The following ARHGAP17 variants were observed in gnomAD, a reference collection of about 807,000 sequenced individuals.
ARHGAP17 encodes the protein Rho GTPase activating protein 17, also known as rho GTPase-activating protein 17.
Under a neutral mutation model 99.5 loss-of-function variants are expected in ARHGAP17, and 57 were observed. The observed-to-expected ratio is 0.57, with a 90% confidence interval of 0.46 to 0.71. The LOEUF is 0.71. Among genes scored for constraint, ARHGAP17 ranks in the 30% least tolerant of loss-of-function variants. The pLI, the probability that ARHGAP17 is intolerant of heterozygous loss-of-function variation, is 0.00. For missense variants in ARHGAP17, 1,000 were observed against 1,122.4 expected, an observed-to-expected ratio of 0.89 and a Z score of 1.56; for synonymous variants, 417 against 429.6, an observed-to-expected ratio of 0.97 and a Z score of 0.36.
intron 9 of ARHGAP17, chr16:24,954,940 A>G: frequency 1.6e-6 from 1 of 613,120 alleles, no homozygotes; most frequent in Non-Finnish European, 2.7e-6. Context: ...GTGGAACAGA[A>G]GCCTGAGCGT....
chr16:24,999,399 T>TTTTATTTA (rs138044912), intron 1 of ARHGAP17, among the ~76,000 whole-genome samples: 6,684 of 149,456 alleles, frequency 0.045, 209 homozygotes, highest in Non-Finnish European at 0.069. Context: ...TCTACAGGTG[T>TTTTATTTA]TTTATTTATT....
rs146042131 is a variant in ARHGAP17, at chr16:25,003,176, G to A, written c.53+12033C>T. On this transcript the variant is annotated intron_variant, in intron 1 of 19. Transcript: ENST00000289968. ...AACAAAATTGTCTATTTGGGGCAAA[G>A]GTCTCCATCAGCTTATACAGGGCAA... Among the ~76,000 whole-genome samples, 181 of 151,186 alleles carry A rather than the reference G, an allele frequency of 1.2e-3. No homozygotes were observed. The South Asian group carries it at 0.028, about 23-fold the overall frequency.
rs74883996 is a variant in ARHGAP17 at position 24,973,770 on chromosome 16, C to T, written c.199-3190G>A. Among the ~76,000 whole-genome samples the T allele has an allele frequency of 8.1e-3, 1,235 of 152,332 alleles. 11 individuals are homozygous for T. Among genetic ancestry groups the T allele is most frequent in the Non-Finnish European group, 0.014 (926 of 68,032 alleles). ...TCCCCCATGAGACCATGAAAACTTA[C>T]ATTTCATTCATTTTATATCTCCAGC... is the stretch of plus-strand genomic sequence containing the variant. On this transcript the variant is annotated intron_variant, in intron 3 of 19. Coordinates refer to ENST00000289968, the MANE Select transcript of ARHGAP17 (RefSeq NM_001006634.3).
intron 18 of ARHGAP17, 107 bp from the exon 19 acceptor site, chr16:24,931,511 C>T: frequency 8.6e-7 from 1 of 1,156,316 alleles, no homozygotes; most frequent in Non-Finnish European, 1.2e-6. Context: ...ACACCAGCAT[C>T]ATGTACCTCT....
chr16:24,973,237 A>T (rs896689872), intron 3 of ARHGAP17, among the ~76,000 whole-genome samples: 1 of 152,196 alleles, frequency 6.6e-6, no homozygotes, highest in East Asian at 1.9e-4. Context: ...TATCTGACCC[A>T]CGACAGTTCT....
In ARHGAP17 at chr16:24,919,995, A is replaced by G; in HGVS notation, c.*135T>C. On this transcript the variant is annotated 3_prime_UTR_variant, in exon 20 of 20. Coordinates refer to ENST00000289968, the MANE Select transcript of ARHGAP17 (RefSeq NM_001006634.3). Reference sequence around the variant, plus strand: ...TTCTCCTTGGGCCGTGCAGAAGGCCAGGTCCCGCACAGTGAGGCCCTCCTT... The same window carrying G: ...TTCTCCTTGGGCCGTGCAGAAGGCCGGGTCCCGCACAGTGAGGCCCTCCTT... The G allele has an allele frequency of 7.7e-7, 1 of 1,297,504 alleles. No individual in the cohort carries two copies. The highest frequency in any genetic ancestry group is 1.1e-6 in the Non-Finnish European group (1 of 947,354). The allele number at this position is 1,297,504 out of a possible 1,614,324, so 80.4% of individuals were successfully genotyped here. A position where few individuals can be genotyped will look rare whatever the true frequency, so the allele number is the denominator to read the frequency against.
intron 15 of ARHGAP17, among the ~76,000 whole-genome samples, chr16:24,942,435 A>T (rs953616114): frequency 1.3e-5 from 2 of 152,334 alleles, no homozygotes; most frequent in Non-Finnish European, 1.5e-5. Context: ...AATGTAGAAG[A>T]GGACGATGAG....
intron 19 of ARHGAP17, among the ~76,000 whole-genome samples, chr16:24,922,259 C>T (rs764561534): frequency 3.9e-4 from 59 of 152,324 alleles, no homozygotes; most frequent in Middle Eastern, 3.4e-3. Flanking sequence ...CATGACTTGG[C>T]GGGGAATGCA....
chr16:24,987,695 G>A (rs2052915773), intron 1 of ARHGAP17, among the ~76,000 whole-genome samples: 1 of 152,014 alleles, frequency 6.6e-6, no homozygotes, highest in Non-Finnish European at 1.5e-5. Context: ...ACTGCCTCTG[G>A]GCTCACAGGG....
intron 6 of ARHGAP17, among the ~76,000 whole-genome samples, 180 bp from the exon 7 acceptor site, chr16:24,964,488 G>A (rs1212319301): frequency 6.6e-6 from 1 of 152,192 alleles, no homozygotes; most frequent in Admixed American, 6.5e-5. Context: ...GGCAAAAGGA[G>A]ACTTTAGCTT....
At chr16:24,985,481 T>C (rs895093760) in intron 1 of ARHGAP17, among the ~76,000 whole-genome samples, 32 of 152,184 alleles carry the variant, frequency 2.1e-4, no homozygotes, top group Non-Finnish European at 3.8e-4. Flanking sequence ...CCTCCTGCAC[T>C]GTCAAAGCCA....
chr16:24,951,802 C>T (rs1391539291), intron 12 of ARHGAP17, among the ~76,000 whole-genome samples: 2 of 152,180 alleles, frequency 1.3e-5, no homozygotes, highest in South Asian at 4.1e-4. Context: ...GGCTTCCAGT[C>T]AACAGTATGC....
intron 14 of ARHGAP17, among the ~76,000 whole-genome samples, chr16:24,945,151 C>T (rs2051432132): frequency 6.6e-6 from 1 of 151,626 alleles, no homozygotes; most frequent in African/African-American, 2.4e-5. Context: ...TAGTGAAATC[C>T]CATCTCTACA....
At chr16:24,995,476 G>A (rs1168701997) in intron 1 of ARHGAP17, among the ~76,000 whole-genome samples, 1 of 152,188 alleles carries the variant, frequency 6.6e-6, no homozygotes, top group Non-Finnish European at 1.5e-5. Flanking sequence ...AGGAGCAGAG[G>A]CAGGTGACAT....
chr16:24,940,199 C>T (rs545286073), intron 16 of ARHGAP17, among the ~76,000 whole-genome samples: 4 of 152,298 alleles, frequency 2.6e-5, no homozygotes, highest in Admixed American at 2.0e-4. Context: ...GCTGGGATTA[C>T]AGGCATAAGT....
intron 19 of ARHGAP17, among the ~76,000 whole-genome samples, chr16:24,925,877 G>A (rs779932089): frequency 8.5e-5 from 13 of 152,134 alleles, no homozygotes; most frequent in South Asian, 2.1e-4. Flanking sequence ...TTGGGAGGCC[G>A]AGACGGGCAG....
At chr16:25,008,199 C>A (rs1352057534) in intron 1 of ARHGAP17, among the ~76,000 whole-genome samples, 1 of 152,026 alleles carries the variant, frequency 6.6e-6, no homozygotes, top group African/African-American at 2.4e-5. Flanking sequence ...AAAAACAAAT[C>A]TTTTTTTGTA....
rs2051434778 is a variant in ARHGAP17, at chr16:24,945,244, G to A, written c.1242-1382C>T. ...AGGCTGGGGTTGGAGGATAGCCTGAGCCCAGGAGGTTGCGGCTGCAGTGAG... is the reference window on the plus strand; with the variant it reads ...AGGCTGGGGTTGGAGGATAGCCTGAACCCAGGAGGTTGCGGCTGCAGTGAG... On this transcript the variant is annotated intron_variant, in intron 14 of 19. Transcript: ENST00000289968. 3.3e-5 allele frequency among the ~76,000 whole-genome samples: 5 copies of A among 151,726 alleles called. No homozygotes were observed. The South Asian group carries it at 8.4e-4, about 25-fold the overall frequency.
chr16:25,014,792 A>G lies in ARHGAP17; in HGVS notation c.53+417T>C, dbSNP rs552286996. 2.0e-5 allele frequency among the ~76,000 whole-genome samples: 3 copies of G among 152,254 alleles called. No homozygotes were observed. In the East Asian group the frequency reaches 5.8e-4, roughly 29 times the overall value. On this transcript the variant is annotated intron_variant, in intron 1 of 19. Coordinates refer to ENST00000289968, the MANE Select transcript of ARHGAP17 (RefSeq NM_001006634.3). The stretch of plus-strand genomic sequence containing the variant: ...GGAAAGCCTGGGACTGCCGCCCCCC[A>G]CAGCACAGCGCTCGGCACAGCGTTA...
Sources: gnomAD v4.1 joint callset for allele counts (sites outside exome capture counted in the v4.1 genomes callset) on GRCh38, gnomAD v4.1.1 for gene constraint, MANE v1.5 for transcripts, NCBI Gene and HGNC (gene_info 2026-07-23, HGNC 2026-07-21) for gene names.